The following PAK2 variants were observed in gnomAD, a reference collection of about 807,000 sequenced individuals.
The protein encoded by PAK2 is serine/threonine-protein kinase PAK 2.
PAK2 carries 21 observed loss-of-function variants against 65.9 expected under a neutral mutation model. That is an observed-to-expected ratio of 0.32 (90% CI 0.23 to 0.46). PAK2 has a LOEUF of 0.46. PAK2 is among the 20% of genes least tolerant of loss of function. The probability of loss-of-function intolerance (pLI) is 1.00; values close to 1 mark genes in which losing one functional copy is unlikely to be tolerated. For missense variants in PAK2, 324 were observed against 642.6 expected, an observed-to-expected ratio of 0.50 and a Z score of 5.36; for synonymous variants, 204 against 219.7, an observed-to-expected ratio of 0.93 and a Z score of 0.63.
At position 196,830,203 on chromosome 3, in the gene PAK2, TTGA is replaced by T. The variant is rs1031890516; in HGVS notation, c.*1800_*1802del. On this transcript the variant is annotated 3_prime_UTR_variant, in exon 15 of 15. Coordinates refer to ENST00000327134, the MANE Select transcript of PAK2 (RefSeq NM_002577.4). ...TAAGGAGAGAAGTGACTGTTTTTTA[TTGA>T]TAAGGCAAGATTTTCAGAAAAATGA... 1 of 152,228 alleles carries T rather than the reference TTGA, an allele frequency of 6.6e-6. No homozygotes were observed. Among genetic ancestry groups the T allele is most frequent in the African/African-American group, 2.4e-5 (1 of 41,464 alleles). The allele number at this position is 152,228 out of a possible 1,614,324, so 9.4% of individuals were successfully genotyped here. A position where few individuals can be genotyped will look rare whatever the true frequency, so the allele number is the denominator to read the frequency against.
chr3:196,750,945 A>G (rs1713560005), intron 1 of PAK2, among the ~76,000 whole-genome samples: 1 of 152,106 alleles, frequency 6.6e-6, no homozygotes, highest in Non-Finnish European at 1.5e-5. Context: ...TTAAGTACTC[A>G]CGTTGTGGTA....
intron 10 of PAK2, among the ~76,000 whole-genome samples, chr3:196,813,846 A>C (rs1715906670): frequency 6.6e-6 from 1 of 151,994 alleles, no homozygotes; most frequent in Non-Finnish European, 1.5e-5. Context: ...GCTCCTCAGG[A>C]GGCTGAGGCA....
At chr3:196,745,819 A>C (rs955688927) in intron 1 of PAK2, among the ~76,000 whole-genome samples, 5 of 41,846 alleles carry the variant, frequency 1.2e-4, no homozygotes, top group East Asian at 1.1e-3. Context: ...ATCTCTAAGT[A>C]AAAAAAAAAA....
intron 1 of PAK2, among the ~76,000 whole-genome samples, chr3:196,762,079 C>T (rs374267441): frequency 0.36 from 42,471 of 118,308 alleles, 8,218 homozygotes; most frequent in Non-Finnish European, 0.47. Flanking sequence ...CGGGCAGAGG[C>T]GCTCCTCACA....
intron 1 of PAK2, among the ~76,000 whole-genome samples, chr3:196,743,994 G>GA (rs556402229): frequency 6.6e-6 from 1 of 152,132 alleles, no homozygotes; most frequent in Non-Finnish European, 1.5e-5. Context: ...TTTTTCAGGA[G>GA]AAAAAATATG....
At chr3:196,751,564 TTGAGCCCAGAGGGCGGAGGTTGCAG>T (rs1392460286) in intron 1 of PAK2, among the ~76,000 whole-genome samples, 12 of 149,332 alleles carry the variant, frequency 8.0e-5, no homozygotes, top group Non-Finnish European at 1.5e-4. Flanking sequence ...TGAGAATCTC[TTGAGCCCAGAGGGCGGAGGTTGCAG>T]TGAGCCCAGA....
At position 196,830,038 on chromosome 3, in the gene PAK2, A is replaced by G. The variant is rs1712016932; in HGVS notation, c.*1633A>G. ...TTCCCACCATCCCCTTCCCCCATTA[A>G]CTTCCCCCCTGCTTGCCATCCTGCA... On this transcript the variant is annotated 3_prime_UTR_variant, in exon 15 of 15. Transcript: ENST00000327134. The G allele has an allele frequency of 7.0e-6, 1 of 143,690 alleles. No individual in the cohort carries two copies. The highest frequency in any genetic ancestry group is 2.3e-4 in the South Asian group (1 of 4,256). 8.9% of individuals were successfully genotyped at this position (143,690 alleles called of 1,614,324 possible).
rs533861420 is a variant in PAK2 at position 196,807,639 on chromosome 3, C to T, written c.577-143C>T. The T allele has an allele frequency of 1.3e-5, 7 of 521,708 alleles. No individual in the cohort carries two copies. In the Admixed American group the frequency reaches 1.8e-4, roughly 14 times the overall value. 32.3% of individuals were successfully genotyped at this position (521,708 alleles called of 1,614,324 possible). The stretch of plus-strand genomic sequence containing the variant: ...CTTCTTAGTTACACATCTTTTATAT[C>T]TGAAAATAGTGTTCTCATTATTTAG... On this transcript the variant is annotated intron_variant, in intron 6 of 14. Transcript: ENST00000327134.
At chr3:196,765,660 A>G (rs2948170) in intron 1 of PAK2, among the ~76,000 whole-genome samples, 65,390 of 151,884 alleles carry the variant, frequency 0.43, 15,148 homozygotes, top group Non-Finnish European at 0.53. Flanking sequence ...TGTGTTCATT[A>G]TTTGTCATCA....
rs866990940 is a variant in PAK2, at chr3:196,795,306, G to T, written c.188-6621G>T. The stretch of plus-strand genomic sequence containing the variant: ...TCCCATCTCTACAAAAAAAAAAAAA[G>T]AAAAAAAGAAAAATTATCTGGGCAG... On this transcript the variant is annotated intron_variant, in intron 2 of 14. Coordinates refer to ENST00000327134, the MANE Select transcript of PAK2 (RefSeq NM_002577.4). 3.3e-4 allele frequency among the ~76,000 whole-genome samples: 47 copies of T among 144,034 alleles called. No individual in the cohort carries two copies. In the South Asian group the frequency reaches 4.6e-3, roughly 14 times the overall value. The allele number at this position is 144,034 out of a possible 152,430, so 94.5% of individuals were successfully genotyped here. A position where few individuals can be genotyped will look rare whatever the true frequency, so the allele number is the denominator to read the frequency against.
rs1713120929 is a variant in PAK2, at chr3:196,739,861, T to G, written c.-318T>G. 6.6e-6 allele frequency: 1 copy of G among 151,152 alleles called. No homozygotes were observed. Among genetic ancestry groups the G allele is most frequent in the African/African-American group, 2.5e-5 (1 of 40,812 alleles). The allele number at this position is 151,152 out of a possible 1,614,324, so 9.4% of individuals were successfully genotyped here. ...CGCCCCGCCCCGCTCCCCGCCGTCTTCCTCCCCCAGGGTTGTGGCCACGCG... is the reference window on the plus strand; with the variant it reads ...CGCCCCGCCCCGCTCCCCGCCGTCTGCCTCCCCCAGGGTTGTGGCCACGCG... On this transcript the variant is annotated 5_prime_UTR_variant, in exon 1 of 15. Coordinates refer to ENST00000327134, the MANE Select transcript of PAK2 (RefSeq NM_002577.4).
chr3:196,746,831 G>GAATAGAATA (rs10662253), intron 1 of PAK2, among the ~76,000 whole-genome samples: 1 of 144,048 alleles, frequency 6.9e-6, no homozygotes, highest in Admixed American at 7.0e-5. Flanking sequence ...AAAAAAAAAA[G>GAATAGAATA]GATAGGCCTT....
At chr3:196,825,392 C>A (rs1232380472) in intron 13 of PAK2, among the ~76,000 whole-genome samples, 3 of 150,350 alleles carry the variant, frequency 2.0e-5, no homozygotes, top group Non-Finnish European at 4.4e-5. Context: ...ACCTGTAATC[C>A]CAGCACTTTG....
chr3:196,811,299 CCCTTCCTTCCCTTCCTTT>C (rs1715802819), intron 8 of PAK2, among the ~76,000 whole-genome samples: 2 of 35,756 alleles, frequency 5.6e-5, no homozygotes, highest in Non-Finnish European at 1.0e-4. Context: ...TTCCCTCCCT[CCCTTCCTTCCCTTCCTTT>C]CCTTCCTTCC....
chr3:196,756,315 C>T (rs1713768246), intron 1 of PAK2, among the ~76,000 whole-genome samples: 1 of 152,130 alleles, frequency 6.6e-6, no homozygotes, highest in African/African-American at 2.4e-5. Flanking sequence ...CTTTCTTTGC[C>T]TGACAAATTC....
intron 1 of PAK2, among the ~76,000 whole-genome samples, chr3:196,747,839 G>T (rs906540109): frequency 2.0e-5 from 3 of 152,024 alleles, no homozygotes; most frequent in Non-Finnish European, 2.9e-5. Flanking sequence ...AAGACAAAGA[G>T]GTAGCATTGT....
At chr3:196,740,385 G>T (rs1156596694) in intron 1 of PAK2, among the ~76,000 whole-genome samples, 1 of 152,158 alleles carries the variant, frequency 6.6e-6, no homozygotes, top group Non-Finnish European at 1.5e-5. Flanking sequence ...TGGGAAGCTC[G>T]CTGGGCTGCG....
chr3:196,814,518 G>T lies in PAK2; in HGVS notation c.1003G>T (p.Val335Leu). 6.4e-7 allele frequency: 1 copy of T among 1,559,496 alleles called. No individual in the cohort carries two copies. Among genetic ancestry groups the T allele is most frequent in the Non-Finnish European group, 8.8e-7 (1 of 1,135,402 alleles). Residue 335 changes from valine to leucine, a missense_variant, in exon 11 of 15, where the codon GTA (valine) becomes TTA (leucine). Val to Leu is a conservative substitution (Grantham distance 32). Transcript: ENST00000327134. ...TGCTGGGGGGTCACTCACTGATGTG[G>T]TAACAGAAACGTGCATGGATGAAGC... The part of the protein sequence containing the change: ...YLAGGSLTDV[V>L]TETCMDEAQI...
At chr3:196,782,070 C>T (rs1449561243) in intron 1 of PAK2, among the ~76,000 whole-genome samples, 3 of 152,100 alleles carry the variant, frequency 2.0e-5, no homozygotes, top group African/African-American at 7.2e-5. Context: ...CACGCCACTG[C>T]ACTCCAGCCT....
Sources: allele counts gnomAD v4.1 joint callset (sites outside exome capture counted in the v4.1 genomes callset), GRCh38; gene constraint gnomAD v4.1.1; transcripts MANE v1.5; gene names NCBI Gene and HGNC (gene_info 2026-07-23, HGNC 2026-07-21).